The following SHANK2 variants were observed in gnomAD, a reference collection of about 807,000 sequenced individuals.
SHANK2 encodes SH3 and multiple ankyrin repeat domains protein 2.
In SHANK2, 43 loss-of-function variants were observed where a neutral mutation model predicts 133.7. The ratio of observed to expected loss-of-function variants is 0.32; its 90% confidence interval spans 0.25 to 0.41. The LOEUF (loss-of-function observed/expected upper bound fraction) is 0.41, where lower values mean the gene tolerates loss of function less well. SHANK2 is among the 10% of genes least tolerant of loss of function. The probability of loss-of-function intolerance (pLI) is 1.00; values close to 1 mark genes in which losing one functional copy is unlikely to be tolerated. For missense variants in SHANK2, 1,994 were observed against 2,235.8 expected (o/e 0.89, Z 2.18); for synonymous variants, 1,017 against 952.8 (o/e 1.07, Z -1.24).
intron 14 of SHANK2, among the ~76,000 whole-genome samples, chr11:70,723,621 A>G (rs1179198534): frequency 6.6e-6 from 1 of 152,200 alleles, no homozygotes; most frequent in African/African-American, 2.4e-5. Context: ...ATGAGAGAGT[A>G]AATGCATGTT....
rs116437714 is a variant in SHANK2, at chr11:70,843,972, C to T, written c.1175-23290G>A. 9.9e-3 allele frequency among the ~76,000 whole-genome samples: 1,505 copies of T among 152,238 alleles called. 32 individuals carry two copies. The highest frequency in any genetic ancestry group is 0.033 in the African/African-American group (1,370 of 41,516). The stretch of plus-strand genomic sequence containing the variant: ...CTCCTCAGTTTGGGGACACGGCCTT[C>T]GTGGACGATTCTCCAGTGAGCCCTC... On this transcript the variant is annotated intron_variant, in intron 11 of 25. Transcript: ENST00000601538.
chr11:70,720,109 G>T (rs931247014), intron 14 of SHANK2, among the ~76,000 whole-genome samples: 5 of 152,184 alleles, frequency 3.3e-5, no homozygotes, highest in Admixed American at 2.0e-4. Flanking sequence ...TCGGACCGCT[G>T]GAACCAGCTC....
chr11:70,849,329 A>G (rs1346669213), intron 11 of SHANK2, among the ~76,000 whole-genome samples: 1 of 152,194 alleles, frequency 6.6e-6, no homozygotes, highest in Non-Finnish European at 1.5e-5. Flanking sequence ...CTGGTCTAAA[A>G]AGGTGAGGTA....
At chr11:71,117,711 A>C (rs1226257752) in intron 4 of SHANK2, among the ~76,000 whole-genome samples, 1 of 152,210 alleles carries the variant, frequency 6.6e-6, no homozygotes, top group African/African-American at 2.4e-5. Context: ...AGGGTGGTGC[A>C]CGCCCAACTC....
At chr11:70,713,671 G>GCCGGGTGTCCGTCACAGCA (rs1193545191) in intron 14 of SHANK2, among the ~76,000 whole-genome samples, 1 of 152,158 alleles carries the variant, frequency 6.6e-6, no homozygotes, top group Non-Finnish European at 1.5e-5. Flanking sequence ...CTGTCACAGC[G>GCCGGGTGTCCGTCACAGCA]CCGGGTGTCC....
rs199938310 is a variant in SHANK2 at position 70,520,098 on chromosome 11, C to T, written c.2062-17167G>A. 5.3e-5 allele frequency among the ~76,000 whole-genome samples: 8 copies of T among 152,078 alleles called. No homozygotes were observed. In the East Asian group the frequency reaches 1.5e-3, roughly 29 times the overall value. ...TTATTTTAGAATAGTTTTAGATTTA[C>T]AAAAAACATTGTGAACTCAGTATCT... On this transcript the variant is annotated intron_variant, in intron 17 of 25. Transcript: ENST00000601538.
chr11:70,478,421 G>A (rs1555150670), intron 25 of SHANK2, among the ~76,000 whole-genome samples: 1 of 152,212 alleles, frequency 6.6e-6, no homozygotes, highest in Non-Finnish European at 1.5e-5. Flanking sequence ...CTTGGAGCCT[G>A]TCAACATATG....
At chr11:70,837,767 G>C (rs1370382872) in intron 11 of SHANK2, among the ~76,000 whole-genome samples, 1 of 151,950 alleles carries the variant, frequency 6.6e-6, no homozygotes, top group Non-Finnish European at 1.5e-5. Context: ...TTGAGGTCAA[G>C]AGTTCGAGAC....
intron 12 of SHANK2, among the ~76,000 whole-genome samples, chr11:70,817,496 G>A (rs72937525): frequency 2.1e-3 from 326 of 152,286 alleles, no homozygotes; most frequent in Non-Finnish European, 3.8e-3. Flanking sequence ...TAGGGGGACT[G>A]GCTGTCCTGA....
At chr11:70,808,260 G>A (rs955250848) in intron 12 of SHANK2, among the ~76,000 whole-genome samples, 1 of 152,078 alleles carries the variant, frequency 6.6e-6, no homozygotes. Context: ...GGACTGCAGT[G>A]GCATGATCTC....
chr11:70,603,072 A>G (rs2060522438), intron 17 of SHANK2, among the ~76,000 whole-genome samples: 1 of 152,266 alleles, frequency 6.6e-6, no homozygotes, highest in South Asian at 2.1e-4. Context: ...GTTTAGTGAT[A>G]TCAACACAGG....
rs995792068 is a variant in SHANK2 at position 70,610,664 on chromosome 11, G to A, written c.2061+49164C>T. Among the ~76,000 whole-genome samples, 4 of 152,338 alleles carry A rather than the reference G, an allele frequency of 2.6e-5. No homozygotes were observed. In the South Asian group the frequency reaches 8.3e-4, roughly 32 times the overall value. On this transcript the variant is annotated intron_variant, in intron 17 of 25. Coordinates refer to ENST00000601538, the MANE Select transcript of SHANK2 (RefSeq NM_012309.5). ...GCCAGAGCTGCTGATCGGCTCCAGC[G>A]GATGGGACAGGCCCGGAGAATTCCG...
At chr11:70,731,440 A>G (rs1383647495) in intron 14 of SHANK2, among the ~76,000 whole-genome samples, 1 of 152,176 alleles carries the variant, frequency 6.6e-6, no homozygotes, top group African/African-American at 2.4e-5. Flanking sequence ...GCAACCACTC[A>G]TCTACTTTCT....
At chr11:70,796,178 G>A (rs1458984125) in intron 14 of SHANK2, among the ~76,000 whole-genome samples, 2 of 152,154 alleles carry the variant, frequency 1.3e-5, no homozygotes, top group Non-Finnish European at 2.9e-5. Context: ...AAAGCCATAC[G>A]TTCTCATCTA....
chr11:71,099,267 T>C (rs1590910098), intron 6 of SHANK2, among the ~76,000 whole-genome samples: 1 of 151,834 alleles, frequency 6.6e-6, no homozygotes, highest in South Asian at 2.1e-4. Flanking sequence ...AGCAGGTAAA[T>C]GCTTATGAGA....
chr11:70,681,621 A>G (rs1945031020), intron 15 of SHANK2, among the ~76,000 whole-genome samples: 2 of 152,132 alleles, frequency 1.3e-5, no homozygotes, highest in South Asian at 4.2e-4. Context: ...GGGAGAGGCC[A>G]GCTCATTCGC....
chr11:70,757,569 GC>G (rs1218866676), intron 14 of SHANK2, among the ~76,000 whole-genome samples: 1 of 152,258 alleles, frequency 6.6e-6, no homozygotes, highest in Admixed American at 6.5e-5. Context: ...GGCTGAGGGT[GC>G]CTACGTGACA....
intron 11 of SHANK2, among the ~76,000 whole-genome samples, chr11:70,859,415 T>C (rs969114973): frequency 5.3e-5 from 8 of 151,746 alleles, no homozygotes; most frequent in Non-Finnish European, 1.2e-4. Flanking sequence ...GGTGGACAGA[T>C]GGATCGATAG....
intron 12 of SHANK2, among the ~76,000 whole-genome samples, chr11:70,814,194 C>T (rs1387491705): frequency 6.6e-6 from 1 of 152,120 alleles, no homozygotes; most frequent in Non-Finnish European, 1.5e-5. Context: ...TATGGTGGAG[C>T]ATGCCTATAA....
Sources: allele counts gnomAD v4.1 joint callset (sites outside exome capture counted in the v4.1 genomes callset), GRCh38; gene constraint gnomAD v4.1.1; transcripts MANE v1.5; gene names NCBI Gene and HGNC (gene_info 2026-07-23, HGNC 2026-07-21).